The following EFNA5 variants were observed in gnomAD, a reference collection of about 807,000 sequenced individuals.
The protein encoded by EFNA5 is ephrin A5.
EFNA5 carries 5 observed loss-of-function variants against 22.9 expected under a neutral mutation model. The observed-to-expected ratio is 0.22, with a 90% CI of 0.11 to 0.46. The LOEUF (loss-of-function observed/expected upper bound fraction) is 0.46, where lower values mean the gene tolerates loss of function less well. Ranked by LOEUF, EFNA5 falls within the 20% of genes least tolerant of loss-of-function variation. EFNA5 has a pLI of 0.99. For missense variants in EFNA5, 237 were observed against 293.3 expected (o/e 0.81, Z 1.40); for synonymous variants, 113 against 112.2 (o/e 1.01, Z -0.04).
intron 1 of EFNA5, among the ~76,000 whole-genome samples, chr5:107,549,900 A>G (rs1407638573): frequency 2.0e-5 from 3 of 152,184 alleles, no homozygotes; most frequent in African/African-American, 7.2e-5. Context: ...CAGAAATAGC[A>G]CCTCTCAAAT....
chr5:107,490,209 G>C (rs1746763579), intron 1 of EFNA5, among the ~76,000 whole-genome samples: 1 of 152,086 alleles, frequency 6.6e-6, no homozygotes, highest in African/African-American at 2.4e-5. Flanking sequence ...ACTCAGAGAA[G>C]TTGGTAACCA....
intron 1 of EFNA5, among the ~76,000 whole-genome samples, chr5:107,655,583 G>A (rs1208790523): frequency 1.3e-5 from 2 of 152,020 alleles, no homozygotes; most frequent in African/African-American, 4.8e-5. Flanking sequence ...TTTCCCTTAT[G>A]AATTACTTTT....
chr5:107,661,138 G>A (rs1750948536), intron 1 of EFNA5, among the ~76,000 whole-genome samples: 1 of 130,862 alleles, frequency 7.6e-6, no homozygotes, highest in Non-Finnish European at 1.8e-5. Flanking sequence ...AGAAGAAGAA[G>A]AAGAAGAAAA....
intron 1 of EFNA5, among the ~76,000 whole-genome samples, chr5:107,574,280 A>T (rs1426315339): frequency 6.6e-6 from 1 of 152,186 alleles, no homozygotes; most frequent in East Asian, 1.9e-4. Context: ...TACAAGGAAG[A>T]CTTTTATGAA....
At chr5:107,448,904 T>C (rs1032239355) in intron 1 of EFNA5, among the ~76,000 whole-genome samples, 3 of 147,028 alleles carry the variant, frequency 2.0e-5, no homozygotes, top group Non-Finnish European at 4.5e-5. Context: ...ATCCCCAACA[T>C]TTGTTCATTA....
chr5:107,548,501 GGTGA>G (rs1382661444), intron 1 of EFNA5, among the ~76,000 whole-genome samples: 76 of 152,116 alleles, frequency 5.0e-4, no homozygotes, highest in African/African-American at 1.7e-3. Context: ...TTTTTTGCAA[GGTGA>G]GTAAGTTTCT....
rs200218848 is a variant in EFNA5 at position 107,380,580 on chromosome 5, G to GA, written c.*674dup. On this transcript the variant is annotated 3_prime_UTR_variant, in exon 5 of 5. Transcript: ENST00000333274. ...CATTCCACACCCAACCTGCCTCCTA[G>GA]AAAAAAAAAAAAGGCTTCTTTTAGA... The GA allele has an allele frequency of 0.25, 69,764 of 277,730 alleles. 3,589 individuals carry two copies. Among genetic ancestry groups the GA allele is most frequent in the East Asian group, 0.38 (7,269 of 18,940 alleles). 17.2% of individuals were successfully genotyped at this position (277,730 alleles called of 1,614,324 possible). A position where few individuals can be genotyped will look rare whatever the true frequency, so the allele number is the denominator to read the frequency against.
At chr5:107,498,952 A>ACAAGTATGTATG (rs1747060577) in intron 1 of EFNA5, among the ~76,000 whole-genome samples, 1 of 35,958 alleles carries the variant, frequency 2.8e-5, no homozygotes, top group African/African-American at 1.6e-4. Context: ...CTTTATGTAT[A>ACAAGTATGTATG]TAAGTATGTA....
chr5:107,658,525 T>C (rs1356997878), intron 1 of EFNA5, among the ~76,000 whole-genome samples: 1 of 152,206 alleles, frequency 6.6e-6, no homozygotes, highest in Non-Finnish European at 1.5e-5. Context: ...AAAGGAACAT[T>C]AGGCATTCTG....
intron 2 of EFNA5, among the ~76,000 whole-genome samples, chr5:107,418,889 T>A (rs1227684115): frequency 6.6e-6 from 1 of 152,210 alleles, no homozygotes; most frequent in Non-Finnish European, 1.5e-5. Context: ...TAAACAGGAG[T>A]TAAACTAGAC....
intron 1 of EFNA5, among the ~76,000 whole-genome samples, chr5:107,585,507 G>T (rs974195371): frequency 3.9e-5 from 6 of 152,052 alleles, no homozygotes; most frequent in African/African-American, 1.4e-4. Context: ...AACAATATTA[G>T]GCCATATAGA....
At chr5:107,489,732 A>G (rs1428671791) in intron 1 of EFNA5, among the ~76,000 whole-genome samples, 1 of 150,844 alleles carries the variant, frequency 6.6e-6, no homozygotes, top group Non-Finnish European at 1.5e-5. Context: ...CATATCATTT[A>G]TTTGTGGCAA....
chr5:107,385,436 G>A (rs1287441468), intron 4 of EFNA5, among the ~76,000 whole-genome samples: 1 of 152,170 alleles, frequency 6.6e-6, no homozygotes, highest in African/African-American at 2.4e-5. Context: ...TGCACAATGT[G>A]TATCAAGAGA....
chr5:107,418,716 A>G lies in EFNA5; in HGVS notation c.418+8501T>C, dbSNP rs113174174. Among the ~76,000 whole-genome samples, 66 of 152,334 alleles carry G rather than the reference A, an allele frequency of 4.3e-4. 2 individuals are homozygous for G. Among genetic ancestry groups the G allele is most frequent in the African/African-American group, 1.5e-3 (64 of 41,584 alleles). ...GGTACTTAGGAGTCTTCAGTTTCTT[A>G]TGGCTTTATACCGTGAATTTCCATC... On this transcript the variant is annotated intron_variant, in intron 2 of 4. Coordinates refer to ENST00000333274, the MANE Select transcript of EFNA5 (RefSeq NM_001962.3).
intron 1 of EFNA5, among the ~76,000 whole-genome samples, chr5:107,434,122 T>C (rs79665924): frequency 0.016 from 2,455 of 152,278 alleles, 54 homozygotes; most frequent in African/African-American, 0.057. Context: ...AGCTTTGTCC[T>C]CCTAAGTATT....
chr5:107,516,080 C>T (rs1220227122), intron 1 of EFNA5, among the ~76,000 whole-genome samples: 1 of 152,084 alleles, frequency 6.6e-6, no homozygotes, highest in East Asian at 1.9e-4. Flanking sequence ...TCATGGCTCA[C>T]TGCAGCCTCA....
chr5:107,643,975 C>T (rs1359473448), intron 1 of EFNA5, among the ~76,000 whole-genome samples: 1 of 152,070 alleles, frequency 6.6e-6, no homozygotes, highest in Non-Finnish European at 1.5e-5. Flanking sequence ...CTGGAAACAA[C>T]TGAACATGTC....
At chr5:107,432,781 T>C (rs938106461) in intron 1 of EFNA5, among the ~76,000 whole-genome samples, 1 of 152,156 alleles carries the variant, frequency 6.6e-6, no homozygotes, top group Non-Finnish European at 1.5e-5. Flanking sequence ...ACATAAATAG[T>C]TGACCCTTGA....
chr5:107,583,589 TC>T (rs1749113667), intron 1 of EFNA5, among the ~76,000 whole-genome samples: 1 of 151,932 alleles, frequency 6.6e-6, no homozygotes, highest in African/African-American at 2.4e-5. Context: ...ACTGGGCCCA[TC>T]CCTTTGGAGC....
Sources: allele counts gnomAD v4.1 joint callset (sites outside exome capture counted in the v4.1 genomes callset), GRCh38; gene constraint gnomAD v4.1.1; transcripts MANE v1.5; gene names NCBI Gene and HGNC (gene_info 2026-07-23, HGNC 2026-07-21).